Variants in CTNND2 observed in about 807,000 individuals in gnomAD.
The protein encoded by CTNND2 is catenin delta 2, also known as catenin delta-2.
A neutral mutation model predicts 144.4 loss-of-function variants in CTNND2; 22 were observed. The ratio of observed to expected loss-of-function variants is 0.15; its 90% CI spans 0.11 to 0.22. The LOEUF is 0.22. Ranked by LOEUF, CTNND2 falls within the 10% of genes least tolerant of loss-of-function variation. The pLI is 1.00. For missense variants in CTNND2, 1,353 were observed against 1,618.8 expected (o/e 0.84, Z 2.82); for synonymous variants, 751 against 695.6 (o/e 1.08, Z -1.25).
At chr5:11,326,410 A>C (rs78229448) in intron 9 of CTNND2, among the ~76,000 whole-genome samples, 5,955 of 152,224 alleles carry the variant, frequency 0.039, 404 homozygotes, top group African/African-American at 0.14. Context: ...CATGGAAAAG[A>C]GAGTCAGGGA....
rs34867068 is a variant in CTNND2 at position 11,590,047 on chromosome 5, A to ATT, written c.175-24993_175-24992dup. ...ACTTCTTAAAAATAAGATTTTGTAA[A>ATT]TTTTTTTTTTTTTTTTGAGATGGAA... is the stretch of plus-strand genomic sequence containing the variant. On this transcript the variant is annotated intron_variant, in intron 2 of 21. Transcript: ENST00000304623. 4.3e-3 allele frequency among the ~76,000 whole-genome samples: 614 copies of ATT among 144,366 alleles called. 11 individuals are homozygous for ATT. Among genetic ancestry groups the ATT allele is most frequent in the South Asian group, 0.028 (125 of 4,516 alleles). 94.7% of individuals were successfully genotyped at this position (144,366 alleles called of 152,430 possible).
At chr5:11,097,994 G>A (rs566175454) in intron 15 of CTNND2, among the ~76,000 whole-genome samples, 1 of 152,314 alleles carries the variant, frequency 6.6e-6, no homozygotes, top group Non-Finnish European at 1.5e-5. Context: ...ATCAGGAACA[G>A]TGTTAGTTTA....
chr5:11,616,851 CAT>C (rs1448864692), intron 2 of CTNND2, among the ~76,000 whole-genome samples: 2 of 152,230 alleles, frequency 1.3e-5, no homozygotes, highest in Non-Finnish European at 2.9e-5. Context: ...AAGTGACCCA[CAT>C]ATCTCTGCCT....
chr5:11,534,254 A>C (rs1426568814), intron 3 of CTNND2, among the ~76,000 whole-genome samples: 1 of 152,176 alleles, frequency 6.6e-6, no homozygotes, highest in Non-Finnish European at 1.5e-5. Context: ...TGTTGTAGGC[A>C]CTAAAATCTC....
chr5:11,327,305 G>A (rs1413494798), intron 9 of CTNND2, among the ~76,000 whole-genome samples: 1 of 152,184 alleles, frequency 6.6e-6, no homozygotes, highest in East Asian at 1.9e-4. Context: ...GTGGGACAAA[G>A]GCTCAGTGGG....
intron 8 of CTNND2, among the ~76,000 whole-genome samples, chr5:11,356,528 G>A (rs1013096807): frequency 2.0e-5 from 3 of 151,962 alleles, no homozygotes; most frequent in African/African-American, 7.2e-5. Context: ...CTAATTCTCA[G>A]CATATACAAA....
chr5:11,842,680 C>T (rs903656096), intron 1 of CTNND2, among the ~76,000 whole-genome samples: 1 of 150,614 alleles, frequency 6.6e-6, no homozygotes, highest in South Asian at 2.1e-4. Flanking sequence ...GATGGTGCCA[C>T]TGCACTCCAG....
At chr5:11,348,170 T>C (rs1232071121) in intron 8 of CTNND2, among the ~76,000 whole-genome samples, 1 of 152,220 alleles carries the variant, frequency 6.6e-6, no homozygotes, top group Non-Finnish European at 1.5e-5. Flanking sequence ...AATAATCAGA[T>C]TAGGCTAATA....
intron 2 of CTNND2, among the ~76,000 whole-genome samples, chr5:11,678,116 T>C (rs990399912): frequency 1.3e-5 from 2 of 152,160 alleles, no homozygotes; most frequent in African/African-American, 2.4e-5. Context: ...TAAACATTAC[T>C]TGGCATTGAC....
chr5:11,198,936 C>G (rs1392378969), intron 11 of CTNND2, among the ~76,000 whole-genome samples: 1 of 152,120 alleles, frequency 6.6e-6, no homozygotes, highest in Non-Finnish European at 1.5e-5. Flanking sequence ...CCCAAAAGTT[C>G]TACAATCATG....
chr5:11,065,532 C>T (rs1747469500), intron 16 of CTNND2, among the ~76,000 whole-genome samples: 1 of 152,194 alleles, frequency 6.6e-6, no homozygotes, highest in African/African-American at 2.4e-5. Context: ...AAAAATACTC[C>T]CTTTTCTTCA....
intron 2 of CTNND2, among the ~76,000 whole-genome samples, chr5:11,583,029 G>A (rs1377900079): frequency 6.6e-6 from 1 of 152,156 alleles, no homozygotes; most frequent in East Asian, 1.9e-4. Context: ...CTATTTTTAA[G>A]CAAGGCTGAT....
At chr5:11,114,104 G>C (rs16901278) in intron 13 of CTNND2, among the ~76,000 whole-genome samples, 1,613 of 150,346 alleles carry the variant, frequency 0.011, 23 homozygotes, top group African/African-American at 0.038. Context: ...ATGAAAGAGA[G>C]AAACGACTCT....
chr5:11,483,600 T>C (rs1768495962), intron 3 of CTNND2, among the ~76,000 whole-genome samples: 1 of 152,190 alleles, frequency 6.6e-6, no homozygotes, highest in Admixed American at 6.5e-5. Flanking sequence ...TGGCCGCCAA[T>C]CTCTTTTGCT....
intron 16 of CTNND2, among the ~76,000 whole-genome samples, chr5:11,063,926 C>T (rs1390383030): frequency 6.6e-6 from 1 of 152,072 alleles, no homozygotes; most frequent in South Asian, 2.1e-4. Flanking sequence ...TCTATCAATA[C>T]GCTGACACAG....
intron 2 of CTNND2, among the ~76,000 whole-genome samples, chr5:11,669,748 C>T (rs1783773882): frequency 6.6e-6 from 1 of 151,818 alleles, no homozygotes; most frequent in Non-Finnish European, 1.5e-5. Context: ...TCTCTATCTC[C>T]TTCAGGTCTT....
intron 2 of CTNND2, among the ~76,000 whole-genome samples, chr5:11,597,557 A>T (rs746815072): frequency 1.5e-4 from 23 of 152,082 alleles, no homozygotes; most frequent in African/African-American, 5.3e-4. Context: ...TAATTCATCA[A>T]TGAGCAGTCC....
intron 16 of CTNND2, among the ~76,000 whole-genome samples, chr5:11,067,705 C>T (rs1487985342): frequency 6.6e-6 from 1 of 152,180 alleles, no homozygotes; most frequent in Non-Finnish European, 1.5e-5. Flanking sequence ...CTTCCCAGAC[C>T]CCTCTACAAT....
At position 11,764,068 on chromosome 5, in the gene CTNND2, TA is replaced by T. The variant is rs1789437413; in HGVS notation, c.38-31797del. ...CTGGATTATCTGGTTGAGCCCAGTG[TA>T]ATCACAGGGTCCTTATAAATGGAAG... On this transcript the variant is annotated intron_variant, in intron 1 of 21. Coordinates refer to ENST00000304623, the MANE Select transcript of CTNND2 (RefSeq NM_001332.4). 2.0e-5 allele frequency among the ~76,000 whole-genome samples: 3 copies of T among 152,250 alleles called. No homozygotes were observed. The South Asian group carries it at 6.2e-4, about 32-fold the overall frequency.
Sources: allele counts gnomAD v4.1 joint callset (sites outside exome capture counted in the v4.1 genomes callset), GRCh38; gene constraint gnomAD v4.1.1; transcripts MANE v1.5; gene names NCBI Gene and HGNC (gene_info 2026-07-23, HGNC 2026-07-21).